Variants in INPP5A observed in about 807,000 individuals in gnomAD.
The protein encoded by INPP5A is 43 kDa inositol polyphosphate 5-phophatase.
A neutral mutation model predicts 65.2 loss-of-function variants in INPP5A; 14 were observed. That is an observed-to-expected ratio of 0.21 (90% CI 0.14 to 0.34). INPP5A has a LOEUF of 0.34. Ranked by LOEUF, INPP5A falls within the 10% of genes least tolerant of loss-of-function variation. The pLI is 1.00. For missense variants in INPP5A, 431 were observed against 545.6 expected (o/e 0.79, Z 2.09); for synonymous variants, 207 against 208.3 (o/e 0.99, Z 0.05).
Position 132,556,529 on chromosome 10 carries a change from T to C in INPP5A, c.75+18358T>C, listed in dbSNP as rs570772156. ...TACAAGCATGCACTACACAGGTGCA[T>C]ATGTACACACCATACACATGCACAA... On this transcript the variant is annotated intron_variant, in intron 1 of 15. Coordinates refer to ENST00000368594, the MANE Select transcript of INPP5A (RefSeq NM_005539.5). Among the ~76,000 whole-genome samples the C allele has an allele frequency of 8.7e-4, 133 of 152,232 alleles. 1 individual carries two copies. Among genetic ancestry groups the C allele is most frequent in the Admixed American group, 2.7e-3 (41 of 15,294 alleles).
intron 2 of INPP5A, among the ~76,000 whole-genome samples, chr10:132,623,210 C>T (rs2133362850): frequency 6.6e-6 from 1 of 152,204 alleles, no homozygotes; most frequent in South Asian, 2.1e-4. Context: ...TAAAAACATA[C>T]TAATGTTTGG....
At chr10:132,715,267 C>CT (rs1200354349) in intron 8 of INPP5A, among the ~76,000 whole-genome samples, 1 of 152,200 alleles carries the variant, frequency 6.6e-6, no homozygotes, top group East Asian at 1.9e-4. Flanking sequence ...GTGGCCTGGG[C>CT]TAGTTCAACA....
chr10:132,709,756 C>T (rs1424025339), intron 7 of INPP5A, among the ~76,000 whole-genome samples: 1 of 152,210 alleles, frequency 6.6e-6, no homozygotes, highest in Non-Finnish European at 1.5e-5. Flanking sequence ...CTGCACTGAC[C>T]TCCCCTGGTG....
intron 2 of INPP5A, among the ~76,000 whole-genome samples, chr10:132,619,205 T>G (rs1443567065): frequency 1.3e-5 from 2 of 152,186 alleles, no homozygotes; most frequent in Non-Finnish European, 2.9e-5. Flanking sequence ...ACAATGGGGA[T>G]ATAGGTATTG....
At chr10:132,560,658 G>A (rs2071191479) in intron 1 of INPP5A, among the ~76,000 whole-genome samples, 1 of 152,110 alleles carries the variant, frequency 6.6e-6, no homozygotes. Context: ...GGAGGGCAGT[G>A]GTGCGATGAT....
At chr10:132,548,176 G>A (rs924805478) in intron 1 of INPP5A, among the ~76,000 whole-genome samples, 1 of 152,064 alleles carries the variant, frequency 6.6e-6, no homozygotes, top group African/African-American at 2.4e-5. Context: ...CATCGTGCCC[G>A]GCCATGGTGT....
At chr10:132,593,894 G>A (rs2071650111) in intron 1 of INPP5A, among the ~76,000 whole-genome samples, 1 of 152,138 alleles carries the variant, frequency 6.6e-6, no homozygotes, top group South Asian at 2.1e-4. Context: ...AATTCTTTAA[G>A]TTTGCCAGGA....
intron 2 of INPP5A, among the ~76,000 whole-genome samples, chr10:132,635,332 A>T (rs1027346250): frequency 1.7e-5 from 2 of 117,106 alleles, no homozygotes; most frequent in African/African-American, 3.3e-5. Context: ...GAATTATTTA[A>T]TTTTTTTTGG....
intron 5 of INPP5A, among the ~76,000 whole-genome samples, chr10:132,691,677 C>T (rs1218889496): frequency 2.0e-5 from 3 of 152,218 alleles, no homozygotes; most frequent in Non-Finnish European, 4.4e-5. Context: ...TTCCCCAGAG[C>T]CCTCCATGTG....
At chr10:132,645,231 G>A (rs2072477122) in intron 2 of INPP5A, among the ~76,000 whole-genome samples, 2 of 152,170 alleles carry the variant, frequency 1.3e-5, no homozygotes, top group Non-Finnish European at 2.9e-5. Flanking sequence ...CGGGGCAGGG[G>A]CACCAGTGGC....
intron 1 of INPP5A, among the ~76,000 whole-genome samples, chr10:132,558,320 C>G (rs2071155287): frequency 6.6e-6 from 1 of 152,224 alleles, no homozygotes; most frequent in Non-Finnish European, 1.5e-5. Context: ...CCGGCCCACG[C>G]TCTCCTGAGA....
chr10:132,639,779 T>G (rs1331008072), intron 2 of INPP5A, among the ~76,000 whole-genome samples: 1 of 152,254 alleles, frequency 6.6e-6, no homozygotes, highest in African/African-American at 2.4e-5. Flanking sequence ...TTGTGCTTTC[T>G]GTTCTTTGAT....
intron 8 of INPP5A, among the ~76,000 whole-genome samples, chr10:132,711,200 T>G (rs919100162): frequency 6.6e-6 from 1 of 152,140 alleles, no homozygotes; most frequent in Non-Finnish European, 1.5e-5. Flanking sequence ...CCTGGGCCCC[T>G]GCCCCCCAGT....
Position 132,563,715 on chromosome 10 carries a change from A to G in INPP5A, c.75+25544A>G, listed in dbSNP as rs367751829. Among the ~76,000 whole-genome samples the G allele has an allele frequency of 4.6e-5, 7 of 152,336 alleles. 1 individual carries two copies. The highest frequency in any genetic ancestry group is 1.9e-4 in the East Asian group (1 of 5,186). On this transcript the variant is annotated intron_variant, in intron 1 of 15. Transcript: ENST00000368594. ...AAGGAGAGAAAGGAAAGGAAAGGAA[A>G]GAAAGGAAAGCACACCATAAGTTCA...
intron 1 of INPP5A, among the ~76,000 whole-genome samples, chr10:132,580,294 C>T (rs952286069): frequency 2.0e-5 from 3 of 152,150 alleles, no homozygotes; most frequent in East Asian, 1.9e-4. Flanking sequence ...GCCGATTTCT[C>T]GTGATAGTGA....
At chr10:132,662,322 C>T (rs1256268957) in intron 4 of INPP5A, among the ~76,000 whole-genome samples, 1 of 152,178 alleles carries the variant, frequency 6.6e-6, no homozygotes, top group African/African-American at 2.4e-5. Flanking sequence ...AATGAAAGCA[C>T]ATTCCACACT....
chr10:132,620,331 G>A (rs1012238400), intron 2 of INPP5A, among the ~76,000 whole-genome samples: 25 of 151,996 alleles, frequency 1.6e-4, no homozygotes, highest in Non-Finnish European at 2.8e-4. Flanking sequence ...TCTTTGCTAT[G>A]TGGCCAGGCT....
rs549769222 is a variant in INPP5A, at chr10:132,660,593, T to TGGCTCTGGTGTCTGAGCAGA, written c.306+10113_306+10132dup. Among the ~76,000 whole-genome samples, 5 of 152,066 alleles carry TGGCTCTGGTGTCTGAGCAGA rather than the reference T, an allele frequency of 3.3e-5. No individual in the cohort carries two copies. The East Asian group carries it at 7.7e-4, about 23-fold the overall frequency. On this transcript the variant is annotated intron_variant, in intron 4 of 15. Transcript: ENST00000368594. Reference sequence around the variant, plus strand: ...CACCTGTGTCAGCAACAGGTGGGAGTGGCTCTGGTGTCTGAGCAGAGGCTC... The same window carrying TGGCTCTGGTGTCTGAGCAGA: ...CACCTGTGTCAGCAACAGGTGGGAGTGGCTCTGGTGTCTGAGCAGAGGCTCTGGTGTCTGAGCAGAGGCTC...
In INPP5A at chr10:132,541,597, G is replaced by T. The variant is rs191817713; in HGVS notation, c.75+3426G>T. On this transcript the variant is annotated intron_variant, in intron 1 of 15. Transcript: ENST00000368594. The stretch of plus-strand genomic sequence containing the variant: ...ATAACTACCAATATTTCTCATATTG[G>T]GAGCTGAGACTGCATGAGAATACAT... 7.9e-4 allele frequency among the ~76,000 whole-genome samples: 120 copies of T among 152,276 alleles called. 1 individual carries two copies. The highest frequency in any genetic ancestry group is 2.6e-3 in the Admixed American group (40 of 15,288).
Sources: gnomAD v4.1 joint callset for allele counts (sites outside exome capture counted in the v4.1 genomes callset) on GRCh38, gnomAD v4.1.1 for gene constraint, MANE v1.5 for transcripts, NCBI Gene and HGNC (gene_info 2026-07-23, HGNC 2026-07-21) for gene names.